RALY: variants seen among roughly 807,000 people sequenced by gnomAD.
RALY encodes the protein RALY heterogeneous nuclear ribonucleoprotein, also known as RNA-binding protein Raly.
Under a neutral mutation model 30.7 loss-of-function variants are expected in RALY, and 15 were observed. The observed-to-expected ratio is 0.49, with a 90% CI of 0.33 to 0.75. The LOEUF is 0.75. Among genes scored for constraint, RALY ranks in the 30% least tolerant of loss-of-function variants. RALY has a pLI of 0.02. For synonymous variants in RALY, 177 were observed against 170.8 expected (o/e 1.04, Z -0.28); for missense variants, 339 against 414.3 (o/e 0.82, Z 1.58).
intron 1 of RALY, among the ~76,000 whole-genome samples, chr20:34,002,031 T>C (rs1321705058): frequency 6.6e-6 from 1 of 152,212 alleles, no homozygotes; most frequent in African/African-American, 2.4e-5. Context: ...CCTCTCAAAG[T>C]GCTGGGATTA....
chr20:34,058,797 G>A (rs1490253759), intron 2 of RALY, among the ~76,000 whole-genome samples: 1 of 152,160 alleles, frequency 6.6e-6, no homozygotes, highest in East Asian at 1.9e-4. Flanking sequence ...ACCACTCAGA[G>A]GATTGTTGTG....
Position 34,081,379 on chromosome 20 carries a change from G to A in RALY, c.*1474G>A, listed in dbSNP as rs114783398. ...AGGACGAAGCTGCTGCTGTGGTGTC[G>A]CCACCTCTGAGAAGTCTCCCAGACC... On this transcript the variant is annotated 3_prime_UTR_variant, in exon 10 of 10. Coordinates refer to ENST00000246194, the MANE Select transcript of RALY (RefSeq NM_016732.3). 0.018 allele frequency: 2,801 copies of A among 152,264 alleles called. 82 individuals are homozygous for A. Among genetic ancestry groups the A allele is most frequent in the African/African-American group, 0.065 (2,690 of 41,464 alleles). The allele number at this position is 152,264 out of a possible 1,614,324, so 9.4% of individuals were successfully genotyped here. A position where few individuals can be genotyped will look rare whatever the true frequency, so the allele number is the denominator to read the frequency against.
At chr20:34,059,827 A>C (rs898560009) in intron 2 of RALY, among the ~76,000 whole-genome samples, 2 of 152,152 alleles carry the variant, frequency 1.3e-5, no homozygotes, top group African/African-American at 4.8e-5. Flanking sequence ...TGAGCAACTG[A>C]GGGCTTCTTG....
intron 1 of RALY, among the ~76,000 whole-genome samples, chr20:34,003,029 A>G (rs2030989427): frequency 6.6e-6 from 1 of 152,130 alleles, no homozygotes; most frequent in Admixed American, 6.5e-5. Flanking sequence ...GCCTTTGAAC[A>G]CTTTGCAGCA....
At chr20:34,004,712 AAATT>A (rs751866405) in intron 1 of RALY, among the ~76,000 whole-genome samples, 74 of 152,246 alleles carry the variant, frequency 4.9e-4, no homozygotes, top group South Asian at 6.2e-4. Flanking sequence ...TTCAAGAAAG[AAATT>A]AATCCAGTAA....
intron 1 of RALY, among the ~76,000 whole-genome samples, chr20:34,026,116 C>T (rs2032024394): frequency 6.6e-6 from 1 of 151,928 alleles, no homozygotes; most frequent in Non-Finnish European, 1.5e-5. Flanking sequence ...CTGACCTCTG[C>T]AGGCTTCAGC....
intron 2 of RALY, among the ~76,000 whole-genome samples, chr20:34,066,617 C>G (rs1430468673): frequency 6.6e-6 from 1 of 152,082 alleles, no homozygotes; most frequent in African/African-American, 2.4e-5. Context: ...TCTCCAACTC[C>G]AGGCCTCAAA....
chr20:34,076,952 T>C, intron 7 of RALY, 76 bp from the exon 8 acceptor site: 1 of 1,606,584 alleles, frequency 6.2e-7, no homozygotes, highest in Non-Finnish European at 8.5e-7. Context: ...TGAGGCCAGC[T>C]TCCGCTAAGG....
chr20:34,056,878 G>A (rs751671788), intron 2 of RALY, among the ~76,000 whole-genome samples: 1 of 152,220 alleles, frequency 6.6e-6, no homozygotes, highest in Non-Finnish European at 1.5e-5. Context: ...TGTTGCCAGA[G>A]CCAATAAAAT....
chr20:34,070,976 C>T (rs936764073), intron 2 of RALY, among the ~76,000 whole-genome samples: 3 of 152,128 alleles, frequency 2.0e-5, no homozygotes, highest in African/African-American at 7.2e-5. Context: ...GAAGTAGACA[C>T]GTCTTCATAT....
Position 34,073,148 on chromosome 20 carries a change from C to T in RALY, c.257-415C>T, listed in dbSNP as rs566301572. On this transcript the variant is annotated intron_variant, in intron 3 of 9. Coordinates refer to ENST00000246194, the MANE Select transcript of RALY (RefSeq NM_016732.3). ...TATACTGAGTGTACTTGAGAATACA[C>T]GTTACCTGTGTGTGAGTTTCTTACC... Among the ~76,000 whole-genome samples, 23 of 152,218 alleles carry T rather than the reference C, an allele frequency of 1.5e-4. 1 individual carries two copies. The highest frequency in any genetic ancestry group is 6.2e-4 in the South Asian group (3 of 4,818).
chr20:33,996,770 A>C (rs1210276971), intron 1 of RALY, among the ~76,000 whole-genome samples: 1 of 152,254 alleles, frequency 6.6e-6, no homozygotes, highest in Middle Eastern at 3.4e-3. Context: ...TTCTGTACCC[A>C]TTAAACTAAC....
intron 2 of RALY, among the ~76,000 whole-genome samples, chr20:34,057,254 C>T (rs1057311107): frequency 7.2e-5 from 11 of 152,112 alleles, no homozygotes; most frequent in African/African-American, 2.4e-4. Context: ...CATGAACATG[C>T]TAACAGTTAT....
intron 2 of RALY, among the ~76,000 whole-genome samples, chr20:34,069,959 C>G (rs968257282): frequency 1.2e-4 from 18 of 152,170 alleles, no homozygotes; most frequent in Admixed American, 6.5e-5. Flanking sequence ...AAGCCTAACC[C>G]TGGGAGCAGT....
chr20:34,027,984 G>C (rs1172397657), intron 1 of RALY, among the ~76,000 whole-genome samples: 2 of 152,142 alleles, frequency 1.3e-5, no homozygotes, highest in Non-Finnish European at 2.9e-5. Context: ...CTAAGTAGGA[G>C]GAATAGAAAC....
intron 1 of RALY, among the ~76,000 whole-genome samples, chr20:34,005,455 G>C (rs549447976): frequency 2.6e-5 from 4 of 152,000 alleles, no homozygotes; most frequent in African/African-American, 9.7e-5. Flanking sequence ...GTTGTAATGA[G>C]CCAAGATCGT....
intron 1 of RALY, among the ~76,000 whole-genome samples, chr20:34,021,558 T>C (rs939357481): frequency 7.2e-5 from 11 of 152,218 alleles, no homozygotes; most frequent in African/African-American, 2.7e-4. Context: ...AGAGCCCTCA[T>C]GCACTAATGT....
At chr20:34,075,209 TGTG>T (rs1210233093) in intron 5 of RALY, among the ~76,000 whole-genome samples, 1 of 151,996 alleles carries the variant, frequency 6.6e-6, no homozygotes, top group Admixed American at 6.6e-5. Context: ...GCACGAAGGA[TGTG>T]GTGATTAAGG....
chr20:34,064,482 A>T (rs1166581868), intron 2 of RALY, among the ~76,000 whole-genome samples: 1 of 152,026 alleles, frequency 6.6e-6, no homozygotes, highest in Non-Finnish European at 1.5e-5. Flanking sequence ...CAAAGCTGGA[A>T]CCCCTCTTGG....
Sources: allele counts gnomAD v4.1 joint callset (sites outside exome capture counted in the v4.1 genomes callset), GRCh38; gene constraint gnomAD v4.1.1; transcripts MANE v1.5; gene names NCBI Gene and HGNC (gene_info 2026-07-23, HGNC 2026-07-21).